Variants in PDE4B observed in about 807,000 individuals in gnomAD.
PDE4B encodes the protein phosphodiesterase 4B.
PDE4B carries 20 observed loss-of-function variants against 82.2 expected under a neutral mutation model. The ratio of observed to expected loss-of-function variants is 0.24; its 90% CI spans 0.17 to 0.35. The LOEUF (loss-of-function observed/expected upper bound fraction) is 0.35, where lower values mean the gene tolerates loss of function less well. PDE4B is among the 10% of genes least tolerant of loss of function. The probability of loss-of-function intolerance (pLI) is 1.00; values close to 1 mark genes in which losing one functional copy is unlikely to be tolerated. For synonymous variants in PDE4B, 320 were observed against 318.9 expected (o/e 1.00, Z -0.04); for missense variants, 655 against 907.2 (o/e 0.72, Z 3.57).
intron 7 of PDE4B, among the ~76,000 whole-genome samples, chr1:66,291,930 G>A (rs1363852233): frequency 6.6e-6 from 1 of 152,124 alleles, no homozygotes; most frequent in African/African-American, 2.4e-5. Context: ...GTTGTAGCCT[G>A]TGAATTGTTT....
chr1:66,011,372 C>T (rs1197005147), intron 3 of PDE4B, among the ~76,000 whole-genome samples: 2 of 151,888 alleles, frequency 1.3e-5, no homozygotes, highest in African/African-American at 2.4e-5. Context: ...GTCACTAATA[C>T]GTAGTGAATC....
At position 65,913,283 on chromosome 1, in the gene PDE4B, C is replaced by T. The variant is rs760649360; in HGVS notation, c.-32C>T. 24 of 1,600,850 alleles carry T rather than the reference C, an allele frequency of 1.5e-5. No homozygotes were observed. In the East Asian group the frequency reaches 5.1e-4, roughly 34 times the overall value. On this transcript the variant is annotated 5_prime_UTR_variant, in exon 2 of 17. Coordinates refer to ENST00000341517, the MANE Select transcript of PDE4B (RefSeq NM_002600.4). ...TCAGCAAACTGCATTGAATAACAGA[C>T]ATCCTAAGAGGGGATATTTTCCACC... is the stretch of plus-strand genomic sequence containing the variant.
chr1:65,889,478 A>G (rs1646828807), intron 1 of PDE4B, among the ~76,000 whole-genome samples: 1 of 151,708 alleles, frequency 6.6e-6, no homozygotes, highest in African/African-American at 2.4e-5. Flanking sequence ...CAGATTCAAT[A>G]TTAATACTGT....
At chr1:66,234,797 A>G (rs1166668872) in intron 3 of PDE4B, among the ~76,000 whole-genome samples, 1 of 150,674 alleles carries the variant, frequency 6.6e-6, no homozygotes, top group Non-Finnish European at 1.5e-5. Context: ...TTTCCGCTCT[A>G]TCTTTATTTT....
At chr1:65,918,186 G>C (rs138374382) in intron 2 of PDE4B, among the ~76,000 whole-genome samples, 186 of 152,164 alleles carry the variant, frequency 1.2e-3, no homozygotes, top group African/African-American at 4.0e-3. Flanking sequence ...ATAAAATACT[G>C]AACGAGAAAC....
intron 3 of PDE4B, among the ~76,000 whole-genome samples, chr1:66,106,637 A>G (rs9436318): frequency 1 from 151,060 of 151,516 alleles, 75,304 homozygotes; most frequent in Middle Eastern, 1. Flanking sequence ...GTGTATTCAG[A>G]GATTCAACTT....
At chr1:66,077,925 G>T (rs1013709942) in intron 3 of PDE4B, among the ~76,000 whole-genome samples, 14 of 152,066 alleles carry the variant, frequency 9.2e-5, no homozygotes, top group African/African-American at 3.1e-4. Flanking sequence ...TCTCTGTACT[G>T]TTCTAAGCAA....
chr1:66,309,573 C>G (rs1376365880), intron 7 of PDE4B, among the ~76,000 whole-genome samples: 1 of 152,202 alleles, frequency 6.6e-6, no homozygotes, highest in Non-Finnish European at 1.5e-5. Context: ...CGTAGCACCA[C>G]AGATTGCAGC....
chr1:66,233,403 T>C (rs1027551722), intron 3 of PDE4B, among the ~76,000 whole-genome samples: 1 of 147,956 alleles, frequency 6.8e-6, no homozygotes, highest in Admixed American at 6.7e-5. Flanking sequence ...TTGTTTCCAG[T>C]TTTTTTTTTA....
intron 1 of PDE4B, among the ~76,000 whole-genome samples, chr1:65,890,598 A>C (rs995354498): frequency 6.6e-6 from 1 of 152,018 alleles, no homozygotes; most frequent in Non-Finnish European, 1.5e-5. Flanking sequence ...TTAACCAATT[A>C]AATAATACCT....
intron 3 of PDE4B, among the ~76,000 whole-genome samples, chr1:66,078,805 A>C (rs1174514066): frequency 2.0e-5 from 3 of 152,126 alleles, no homozygotes; most frequent in Non-Finnish European, 4.4e-5. Flanking sequence ...TGAAAAGCGC[A>C]TAATACGTGA....
At chr1:66,306,406 C>G (rs1348488815) in intron 7 of PDE4B, among the ~76,000 whole-genome samples, 2 of 152,018 alleles carry the variant, frequency 1.3e-5, no homozygotes, top group East Asian at 1.9e-4. Context: ...CAAATGAAGA[C>G]TCAACTCTAA....
At chr1:66,021,866 G>T (rs1653141063) in intron 3 of PDE4B, among the ~76,000 whole-genome samples, 1 of 152,184 alleles carries the variant, frequency 6.6e-6, no homozygotes, top group South Asian at 2.1e-4. Flanking sequence ...TTGGTAGCTT[G>T]ATGGGGATGG....
At chr1:65,861,563 G>GT (rs1045980762) in intron 1 of PDE4B, among the ~76,000 whole-genome samples, 3 of 152,076 alleles carry the variant, frequency 2.0e-5, no homozygotes, top group South Asian at 2.1e-4. Context: ...ATTTAAAGTA[G>GT]TTTTTTTCTA....
intron 3 of PDE4B, among the ~76,000 whole-genome samples, chr1:66,010,132 T>C (rs1445664764): frequency 2.0e-5 from 3 of 152,034 alleles, no homozygotes; most frequent in African/African-American, 4.8e-5. Context: ...AGTGAATAAA[T>C]AGACAAATGA....
intron 3 of PDE4B, among the ~76,000 whole-genome samples, chr1:66,230,153 C>T (rs1651836962): frequency 6.6e-6 from 1 of 152,132 alleles, no homozygotes; most frequent in South Asian, 2.1e-4. Context: ...CAGCCCCTGT[C>T]CTAGGCTCTT....
At chr1:66,254,673 A>G (rs1170564621) in intron 4 of PDE4B, among the ~76,000 whole-genome samples, 1 of 152,144 alleles carries the variant, frequency 6.6e-6, no homozygotes, top group Non-Finnish European at 1.5e-5. Context: ...GAAACTCCTC[A>G]TTTCCTTATT....
chr1:65,944,878 C>G (rs778343536), intron 3 of PDE4B, among the ~76,000 whole-genome samples: 2 of 151,844 alleles, frequency 1.3e-5, no homozygotes, highest in Non-Finnish European at 2.9e-5. Context: ...GATAAATATA[C>G]CACTCAAAGC....
chr1:66,360,264 A>G (rs1662648728), intron 9 of PDE4B, among the ~76,000 whole-genome samples: 1 of 152,042 alleles, frequency 6.6e-6, no homozygotes, highest in Non-Finnish European at 1.5e-5. Flanking sequence ...GACAATACTG[A>G]TATGTTAGGG....
Sources: allele counts gnomAD v4.1 joint callset (sites outside exome capture counted in the v4.1 genomes callset), GRCh38; gene constraint gnomAD v4.1.1; transcripts MANE v1.5; gene names NCBI Gene and HGNC (gene_info 2026-07-23, HGNC 2026-07-21).